The following RAB11B variants were observed in gnomAD, a reference collection of about 807,000 sequenced individuals.
The protein encoded by RAB11B is ras-related protein Rab-11B.
In RAB11B, 7 loss-of-function variants were observed where a neutral mutation model predicts 23.7. That is an observed-to-expected ratio of 0.29 (90% CI 0.17 to 0.55). RAB11B has a LOEUF of 0.55. Ranked by LOEUF, RAB11B falls within the 20% of genes least tolerant of loss-of-function variation. The pLI is 0.93. For missense variants in RAB11B, 189 were observed against 320.0 expected, an observed-to-expected ratio of 0.59 and a Z score of 3.12; for synonymous variants, 138 against 132.0, an observed-to-expected ratio of 1.05 and a Z score of -0.31.
intron 1 of RAB11B, among the ~76,000 whole-genome samples, chr19:8,392,685 CTTTT>C (rs74176644): frequency 0.027 from 2,150 of 79,654 alleles, 38 homozygotes; most frequent in African/African-American, 0.1. Context: ...TTTTTCTTTT[CTTTT>C]TTTTTTTTTT....
chr19:8,397,119 A>G (rs953058752), intron 1 of RAB11B, among the ~76,000 whole-genome samples: 2 of 152,198 alleles, frequency 1.3e-5, no homozygotes, highest in Non-Finnish European at 2.9e-5. Flanking sequence ...AAAGTTAACC[A>G]AGATAAGGAG....
intron 1 of RAB11B, among the ~76,000 whole-genome samples, chr19:8,395,196 G>A (rs780591355): frequency 6.6e-6 from 1 of 151,802 alleles, no homozygotes; most frequent in Non-Finnish European, 1.5e-5. Flanking sequence ...CCTGGGAGCC[G>A]ATTCTCATCC....
intron 1 of RAB11B, among the ~76,000 whole-genome samples, chr19:8,399,174 C>T (rs560866637): frequency 1.1e-4 from 17 of 152,110 alleles, no homozygotes; most frequent in South Asian, 8.3e-4. Flanking sequence ...AGGATGGTCT[C>T]GATCTCCTGA....
At position 8,392,685 on chromosome 19, in the gene RAB11B, C is replaced by CTTTTTTTTTTTTT. The variant is rs74176644; in HGVS notation, c.40+2239_40+2251dup. ...ATATTTTTCTTTTCCTTTTTCTTTT[C>CTTTTTTTTTTTTT]TTTTTTTTTTTTTTTTTTTTTTGAG... On this transcript the variant is annotated intron_variant, in intron 1 of 4. Coordinates refer to ENST00000328024, the MANE Select transcript of RAB11B (RefSeq NM_004218.4). Among the ~76,000 whole-genome samples, 146 of 79,642 alleles carry CTTTTTTTTTTTTT rather than the reference C, an allele frequency of 1.8e-3. 21 individuals carry two copies. Among genetic ancestry groups the CTTTTTTTTTTTTT allele is most frequent in the Non-Finnish European group, 2.3e-3 (103 of 44,388 alleles). The allele number at this position is 79,642 out of a possible 152,430, so 52.2% of individuals were successfully genotyped here.
At chr19:8,390,586 C>G (rs1232528333) in intron 1 of RAB11B, 130 bp downstream of exon 1, 5 of 1,015,658 alleles carry the variant, frequency 4.9e-6, no homozygotes, top group African/African-American at 1.7e-5. Context: ...GTCAGGCAGC[C>G]GGGAAGGCCG....
chr19:8,392,151 C>T (rs1193777279), intron 1 of RAB11B, among the ~76,000 whole-genome samples: 1 of 152,086 alleles, frequency 6.6e-6, no homozygotes, highest in African/African-American at 2.4e-5. Context: ...GGCTGGGCAC[C>T]CACCCAGACG....
intron 4 of RAB11B, 59 bp from the exon 5 acceptor site, chr19:8,403,354 C>A (rs1909572313): frequency 1.9e-6 from 3 of 1,568,658 alleles, no homozygotes; most frequent in African/African-American, 1.3e-5. Flanking sequence ...GGAGGGGTTC[C>A]CCTCGGCAGG....
intron 2 of RAB11B, 85 bp from the exon 3 acceptor site, chr19:8,402,000 TG>T (rs1159214519): frequency 1.7e-5 from 24 of 1,393,578 alleles, no homozygotes; most frequent in Non-Finnish European, 1.9e-5. Flanking sequence ...CGACCCACCC[TG>T]GGCGTGATGT....
At position 8,403,653 on chromosome 19, in the gene RAB11B, CG is replaced by C. The variant is rs1189529971; in HGVS notation, c.*96del. On this transcript the variant is annotated 3_prime_UTR_variant, in exon 5 of 5. Transcript: ENST00000328024. ...CCCTGCTGTCCCTCTGTGGCCGGCTCGTTCCAGCCCTCCCAGTGAGCTCTGC... is the reference window on the plus strand; with the variant it reads ...CCCTGCTGTCCCTCTGTGGCCGGCTCTTCCAGCCCTCCCAGTGAGCTCTGC... The C allele has an allele frequency of 3.4e-6, 5 of 1,492,154 alleles. No homozygotes were observed. In the African/African-American group the frequency reaches 6.9e-5, roughly 21 times the overall value. The allele number at this position is 1,492,154 out of a possible 1,614,324, so 92.4% of individuals were successfully genotyped here.
At position 8,396,863 on chromosome 19, in the gene RAB11B, G is replaced by A. The variant is rs1971401363; in HGVS notation, c.41-3000G>A. ...CACTCACGGGCGCTCTCTGGTGGCT[G>A]CTGCAGGAGGACAGCGTTTTGGTTG... On this transcript the variant is annotated intron_variant, in intron 1 of 4. Transcript: ENST00000328024. This position sits in a 1 kb window ranked among gnomAD's most constrained non-coding sequence, Gnocchi z 5.0. 6.6e-6 allele frequency among the ~76,000 whole-genome samples: 1 copy of A among 152,178 alleles called. No homozygotes were observed. Among genetic ancestry groups the A allele is most frequent in the Admixed American group, 6.5e-5 (1 of 15,284 alleles).
chr19:8,403,344 G>A (rs1971453083), intron 4 of RAB11B, 69 bp from the exon 5 acceptor site: 1 of 1,557,742 alleles, frequency 6.4e-7, no homozygotes, highest in Admixed American at 1.7e-5. Flanking sequence ...AGTCCTGCAG[G>A]GAGGGGTTCC....
At chr19:8,398,524 C>A (rs1971413433) in intron 1 of RAB11B, among the ~76,000 whole-genome samples, 1 of 152,178 alleles carries the variant, frequency 6.6e-6, no homozygotes, top group East Asian at 1.9e-4. Flanking sequence ...GGGGACCTGA[C>A]CCTGGGGACA....
chr19:8,403,093 G>T (rs1222618505), intron 4 of RAB11B, among the ~76,000 whole-genome samples: 1 of 152,250 alleles, frequency 6.6e-6, no homozygotes, highest in East Asian at 1.9e-4. Flanking sequence ...CCTGGCCCCA[G>T]TTCCTGGGGA....
In RAB11B at chr19:8,403,531, C is replaced by T. The variant is rs775370486; in HGVS notation, c.630C>T (p.Asn210=). The change falls in exon 5 of 5, where the codon AAC becomes AAT. Residue 210 remains asparagine (N), a synonymous_variant. Transcript: ENST00000328024. ...CCACCACGGACGGACAGAAGCCCAA[C>T]AAGCTGCAGTGCTGCCAGAACCTGT... The part of the protein sequence containing the change: ...VPPTTDGQKP[N]KLQCCQNL 1 of 1,613,754 alleles carries T rather than the reference C, an allele frequency of 6.2e-7. No homozygotes were observed. Among genetic ancestry groups the T allele is most frequent in the South Asian group, 1.1e-5 (1 of 91,048 alleles).
intron 1 of RAB11B, among the ~76,000 whole-genome samples, chr19:8,395,385 T>G (rs1971389094): frequency 6.6e-6 from 1 of 151,742 alleles, no homozygotes. Context: ...ATGATTCTCT[T>G]GCCTCAGCCT....
rs1038448370 is a variant in RAB11B, at chr19:8,403,913, C to G, written c.*355C>G. 1 of 216,658 alleles carries G rather than the reference C, an allele frequency of 4.6e-6. No individual in the cohort carries two copies. The highest frequency in any genetic ancestry group is 1.2e-4 in the East Asian group (1 of 8,686). The allele number at this position is 216,658 out of a possible 1,614,324, so 13.4% of individuals were successfully genotyped here. A position where few individuals can be genotyped will look rare whatever the true frequency, so the allele number is the denominator to read the frequency against. ...CTCTAGGGAGCGATTGCCTCCCTCC[C>G]TCCGTGACCGGGTGGCCCAGCCAGC... On this transcript the variant is annotated 3_prime_UTR_variant, in exon 5 of 5. Coordinates refer to ENST00000328024, the MANE Select transcript of RAB11B (RefSeq NM_004218.4).
At chr19:8,401,981 G>A (rs1197642755) in intron 2 of RAB11B, 105 bp from the exon 3 acceptor site, 14 of 1,191,434 alleles carry the variant, frequency 1.2e-5, no homozygotes, top group South Asian at 1.6e-5. Context: ...CCCTTGGCTC[G>A]GCCCTGGACG....
At chr19:8,399,826 A>G (rs1481825398) in intron 1 of RAB11B, 37 bp from the exon 2 acceptor site, 1 of 1,597,474 alleles carries the variant, frequency 6.3e-7, no homozygotes, top group Admixed American at 1.7e-5. Flanking sequence ...TCGTGGGTGG[A>G]GTGTGGGGAT....
intron 2 of RAB11B, among the ~76,000 whole-genome samples, chr19:8,401,039 G>C (rs1322965442): frequency 2.0e-5 from 3 of 151,622 alleles, no homozygotes; most frequent in African/African-American, 7.3e-5. Context: ...CTACAGGCCT[G>C]TGCCACCATG....
Sources: allele counts gnomAD v4.1 joint callset (sites outside exome capture counted in the v4.1 genomes callset), GRCh38; gene constraint gnomAD v4.1.1; non-coding constraint Gnocchi (gnomAD v3.1); transcripts MANE v1.5; gene names NCBI Gene and HGNC (gene_info 2026-07-23, HGNC 2026-07-21).